Variants in MGRN1 observed in about 807,000 individuals in gnomAD.
MGRN1 encodes E3 ubiquitin-protein ligase MGRN1.
Under a neutral mutation model 69.2 loss-of-function variants are expected in MGRN1, and 29 were observed. That is an observed-to-expected ratio of 0.42 (90% CI 0.31 to 0.57). The LOEUF is 0.57. Among genes scored for constraint, MGRN1 ranks in the 20% least tolerant of loss-of-function variants. MGRN1 has a pLI of 0.15. For missense variants in MGRN1, 998 were observed against 796.2 expected, an observed-to-expected ratio of 1.25 and a Z score of -3.05; for synonymous variants, 470 against 344.2, an observed-to-expected ratio of 1.37 and a Z score of -4.04.
In MGRN1 at chr16:4,681,912, C is replaced by G; in HGVS notation, c.1358+136C>G. The G allele has an allele frequency of 3.4e-6, 3 of 886,088 alleles. No homozygotes were observed. In the South Asian group the frequency reaches 5.4e-5, roughly 16 times the overall value. 54.9% of individuals were successfully genotyped at this position (886,088 alleles called of 1,614,324 possible). A position where few individuals can be genotyped will look rare whatever the true frequency, so the allele number is the denominator to read the frequency against. ...CCAGAAGGACTCGGAGACCCCGTAT[C>G]AGGTTAGACTCATGGGTAAAGTTTA... is the stretch of plus-strand genomic sequence containing the variant. On this transcript the variant is annotated intron_variant, in intron 13 of 16. Transcript: ENST00000262370.
chr16:4,676,212 G>T (rs760774801), intron 10 of MGRN1, among the ~76,000 whole-genome samples: 10 of 152,188 alleles, frequency 6.6e-5, no homozygotes, highest in Non-Finnish European at 1.2e-4. Flanking sequence ...GGCAGATCCT[G>T]TAGCAGGGAG....
intron 1 of MGRN1, among the ~76,000 whole-genome samples, chr16:4,629,147 C>CGTGTGTGT (rs1442184525): frequency 8.1e-3 from 392 of 48,684 alleles, no homozygotes; most frequent in Middle Eastern, 0.018. Context: ...GCTTTCTGTT[C>CGTGTGTGT]GTATGTGTGT....
At chr16:4,662,153 ATTTTTGGTAGGAAATTCGCT>A (rs1200133334) in intron 5 of MGRN1, among the ~76,000 whole-genome samples, 1 of 152,018 alleles carries the variant, frequency 6.6e-6, no homozygotes, top group Non-Finnish European at 1.5e-5. Context: ...TCTCGTCTGT[ATTTTTGGTAGGAAATTCGCT>A]GTGTTGACAA....
rs939514215 is a variant in MGRN1 at position 4,687,940 on chromosome 16, C to A, written c.1619-856C>A. The stretch of plus-strand genomic sequence containing the variant: ...ACCCCTAGATTGAAACAGTCAGCAC[C>A]TTTCAGACGGCCCCGGCCTGCGCAT... On this transcript the variant is annotated intron_variant, in intron 16 of 16. Coordinates refer to ENST00000262370, the MANE Select transcript of MGRN1 (RefSeq NM_015246.4). 4 of 985,560 alleles carry A rather than the reference C, an allele frequency of 4.1e-6. No individual in the cohort carries two copies. The Admixed American group carries it at 2.5e-4, about 61-fold the overall frequency. 61.1% of individuals were successfully genotyped at this position (985,560 alleles called of 1,614,324 possible).
chr16:4,686,581 C>A (rs985030667), intron 16 of MGRN1: 1 of 1,301,694 alleles, frequency 7.7e-7, no homozygotes, highest in Non-Finnish European at 9.8e-7. Context: ...TTGAGGGGCC[C>A]TGGAACAGTC....
At chr16:4,641,304 TC>T (rs2141850026) in intron 1 of MGRN1, among the ~76,000 whole-genome samples, 2 of 152,236 alleles carry the variant, frequency 1.3e-5, no homozygotes, top group South Asian at 4.1e-4. Flanking sequence ...TTCCCGTGTT[TC>T]TTCTCCATGT....
intron 10 of MGRN1, among the ~76,000 whole-genome samples, chr16:4,675,481 A>G (rs1322230349): frequency 6.6e-6 from 1 of 152,126 alleles, no homozygotes; most frequent in Non-Finnish European, 1.5e-5. Flanking sequence ...GATCACACCT[A>G]TAATCCCAGC....
chr16:4,656,631 A>T (rs1402701578), intron 4 of MGRN1, among the ~76,000 whole-genome samples: 2 of 152,242 alleles, frequency 1.3e-5, no homozygotes, highest in Non-Finnish European at 2.9e-5. Flanking sequence ...CTGTAATCCC[A>T]GCACTTTGGG....
intron 5 of MGRN1, among the ~76,000 whole-genome samples, chr16:4,662,973 T>C (rs2078716237): frequency 6.6e-6 from 1 of 152,168 alleles, no homozygotes; most frequent in African/African-American, 2.4e-5. Context: ...AGGCCTGTGG[T>C]CGGTCTTGGG....
intron 8 of MGRN1, among the ~76,000 whole-genome samples, chr16:4,671,017 C>A (rs1356691647): frequency 6.6e-6 from 1 of 152,220 alleles, no homozygotes; most frequent in Non-Finnish European, 1.5e-5. Flanking sequence ...ATCTGGAAAG[C>A]AGTGGGAACT....
chr16:4,652,975 C>T, intron 4 of MGRN1, 151 bp downstream of exon 4: 1 of 1,111,822 alleles, frequency 9.0e-7, no homozygotes, highest in Non-Finnish European at 1.2e-6. Flanking sequence ...GGGGTTTCTC[C>T]CACCCCAGGG....
At chr16:4,639,649 A>G (rs2078113972) in intron 1 of MGRN1, 1 of 152,272 alleles carries the variant, frequency 6.6e-6, no homozygotes, top group Non-Finnish European at 1.5e-5. Context: ...CTGTGGATCC[A>G]CACATGGTCC....
chr16:4,637,111 TCC>T (rs1898338520), intron 1 of MGRN1, among the ~76,000 whole-genome samples: 4 of 90,222 alleles, frequency 4.4e-5, no homozygotes, highest in East Asian at 3.2e-4. Context: ...AGAGCAAGAC[TCC>T]ATCTCAAAAA....
In MGRN1 at chr16:4,677,481, A is replaced by T; in HGVS notation, c.974A>T (p.Gln325Leu). 1 of 1,572,764 alleles carries T rather than the reference A, an allele frequency of 6.4e-7. No individual in the cohort carries two copies. Among genetic ancestry groups the T allele is most frequent in the Non-Finnish European group, 8.6e-7 (1 of 1,164,466 alleles). The change falls in exon 11 of 17, where the codon CAG becomes CTG. Residue 325 changes from glutamine (Q) to leucine (L), a missense_variant. Gln to Leu is a moderately radical substitution (Grantham distance 113, BLOSUM62 -2). Transcript: ENST00000262370. Reference protein sequence around the residue: ...ICRLPFRALLQIRAVRKKPGA... With the variant: ...ICRLPFRALLLIRAVRKKPGA... ...GCCGCAGCTTTCCGGGCCCTCCTGCAGATCCGGGCGGTGCGGAAGAAGCCA... is the reference window on the plus strand; with the variant it reads ...GCCGCAGCTTTCCGGGCCCTCCTGCTGATCCGGGCGGTGCGGAAGAAGCCA...
Position 4,686,426 on chromosome 16 carries a change from C to T in MGRN1, c.1619-2370C>T, listed in dbSNP as rs1463417653. ...GGGTCTTCGTCCGCATCCGCATCTT[C>T]CCAGGGGCCCTGGATTCCGAATCCA... On this transcript the variant is annotated intron_variant, in intron 16 of 16. Transcript: ENST00000262370. 12 of 1,436,604 alleles carry T rather than the reference C, an allele frequency of 8.4e-6. No homozygotes were observed. The South Asian group carries it at 1.0e-4, about 12-fold the overall frequency. 89.0% of individuals were successfully genotyped at this position (1,436,604 alleles called of 1,614,324 possible). A position where few individuals can be genotyped will look rare whatever the true frequency, so the allele number is the denominator to read the frequency against.
chr16:4,684,846 T>G (rs1459713419), intron 16 of MGRN1, among the ~76,000 whole-genome samples: 1 of 152,212 alleles, frequency 6.6e-6, no homozygotes, highest in South Asian at 2.1e-4. Flanking sequence ...GGAGTGTGGC[T>G]CTTCCCTCGC....
At chr16:4,650,263 A>T in intron 1 of MGRN1, 102 bp from the exon 2 acceptor site, 2 of 843,264 alleles carry the variant, frequency 2.4e-6, no homozygotes, top group African/African-American at 1.8e-5. Flanking sequence ...AGATAGCGCC[A>T]CTGCACTCCA....
chr16:4,659,749 C>T (rs779598486), intron 5 of MGRN1, among the ~76,000 whole-genome samples: 3 of 152,248 alleles, frequency 2.0e-5, no homozygotes, highest in Non-Finnish European at 4.4e-5. Context: ...ATGCAAGTGA[C>T]AGAAAAACAT....
intron 16 of MGRN1, chr16:4,687,871 G>C (rs1218433775): frequency 5.1e-6 from 5 of 985,480 alleles, no homozygotes; most frequent in African/African-American, 3.5e-5. Context: ...CTGTCTTCTT[G>C]AGCCCAGCGA....
Sources: gnomAD v4.1 joint callset for allele counts (sites outside exome capture counted in the v4.1 genomes callset) on GRCh38, gnomAD v4.1.1 for gene constraint, MANE v1.5 for transcripts, NCBI Gene and HGNC (gene_info 2026-07-23, HGNC 2026-07-21) for gene names.